The following HACD2 variants were observed in gnomAD, a reference collection of about 807,000 sequenced individuals.
HACD2 encodes the protein very-long-chain (3R)-3-hydroxyacyl-CoA dehydratase 2.
Under a neutral mutation model 31.0 loss-of-function variants are expected in HACD2, and 15 were observed. The ratio of observed to expected loss-of-function variants is 0.48; its 90% CI spans 0.32 to 0.75. The LOEUF (loss-of-function observed/expected upper bound fraction) is 0.75. Ranked by LOEUF, HACD2 falls within the 30% of genes least tolerant of loss-of-function variation. The pLI, the probability that HACD2 is intolerant of heterozygous loss-of-function variation, is 0.03. For missense variants in HACD2, 283 were observed against 313.0 expected, an observed-to-expected ratio of 0.90 and a Z score of 0.72; for synonymous variants, 115 against 122.2, an observed-to-expected ratio of 0.94 and a Z score of 0.39.
At chr3:123,513,021 G>A (rs2056083915) in intron 4 of HACD2, among the ~76,000 whole-genome samples, 1 of 152,228 alleles carries the variant, frequency 6.6e-6, no homozygotes, top group South Asian at 2.1e-4. Flanking sequence ...GCTGGGGCTG[G>A]GGAAGTACAA....
chr3:123,496,515 C>T (rs756646433), intron 6 of HACD2, among the ~76,000 whole-genome samples: 34 of 152,166 alleles, frequency 2.2e-4, no homozygotes, highest in African/African-American at 6.3e-4. Flanking sequence ...GGAGGCAGCA[C>T]GTGGAACAGG....
chr3:123,573,847 A>C (rs1236337202), intron 2 of HACD2, among the ~76,000 whole-genome samples: 2 of 152,064 alleles, frequency 1.3e-5, no homozygotes, highest in African/African-American at 2.4e-5. Context: ...TTATCACTTA[A>C]TTTCACCTTT....
At chr3:123,498,473 CAAA>C (rs2055862350) in intron 6 of HACD2, among the ~76,000 whole-genome samples, 2 of 152,186 alleles carry the variant, frequency 1.3e-5, no homozygotes, top group African/African-American at 4.8e-5. Context: ...GAGTGGTGGG[CAAA>C]TGAGCATTAC....
chr3:123,506,717 G>T (rs1190291079), intron 4 of HACD2, among the ~76,000 whole-genome samples: 1 of 152,104 alleles, frequency 6.6e-6, no homozygotes, highest in Non-Finnish European at 1.5e-5. Flanking sequence ...TTACAAGTGT[G>T]AGCCACTACA....
At chr3:123,552,085 T>G (rs148804786) in intron 3 of HACD2, among the ~76,000 whole-genome samples, 1 of 152,022 alleles carries the variant, frequency 6.6e-6, no homozygotes, top group Non-Finnish European at 1.5e-5. Context: ...AAAAATGGCA[T>G]GGAAGAGAGA....
At chr3:123,570,109 A>G (rs929895069) in intron 2 of HACD2, among the ~76,000 whole-genome samples, 5 of 149,522 alleles carry the variant, frequency 3.3e-5, no homozygotes, top group Non-Finnish European at 5.9e-5. Flanking sequence ...TCTTCTTTGC[A>G]TGACAGAGCA....
At chr3:123,523,991 C>T (rs937935698) in intron 4 of HACD2, among the ~76,000 whole-genome samples, 20 of 152,220 alleles carry the variant, frequency 1.3e-4, no homozygotes, top group African/African-American at 4.6e-4. Flanking sequence ...GGATTTTGGA[C>T]AGAGCACCAG....
At chr3:123,530,516 C>T (rs889941837) in intron 3 of HACD2, among the ~76,000 whole-genome samples, 1 of 151,196 alleles carries the variant, frequency 6.6e-6, no homozygotes, top group African/African-American at 2.4e-5. Flanking sequence ...TCAAGGGGTT[C>T]TCCTGCCTCC....
Position 123,585,048 on chromosome 3 carries a change from T to C in HACD2, c.-21A>G. On this transcript the variant is annotated 5_prime_UTR_variant, in exon 1 of 7. Coordinates refer to ENST00000383657, the MANE Select transcript of HACD2 (RefSeq NM_198402.5). ...GCCATGTCAAGTGCCCGAAGCCCGCTCTCCTAGCGCGAGCGGCTCGGGCCG... is the reference window on the plus strand; with the variant it reads ...GCCATGTCAAGTGCCCGAAGCCCGCCCTCCTAGCGCGAGCGGCTCGGGCCG... 7.1e-7 allele frequency: 1 copy of C among 1,417,758 alleles called. No individual in the cohort carries two copies. The highest frequency in any genetic ancestry group is 9.2e-7 in the Non-Finnish European group (1 of 1,082,698). The allele number at this position is 1,417,758 out of a possible 1,614,324, so 87.8% of individuals were successfully genotyped here.
At chr3:123,569,084 A>G (rs1282269529) in intron 2 of HACD2, among the ~76,000 whole-genome samples, 2 of 152,122 alleles carry the variant, frequency 1.3e-5, no homozygotes, top group Non-Finnish European at 2.9e-5. Context: ...ATTTCACTCA[A>G]TTTGTGGGGG....
At chr3:123,499,126 T>C (rs755950966) in intron 6 of HACD2, among the ~76,000 whole-genome samples, 6 of 152,210 alleles carry the variant, frequency 3.9e-5, no homozygotes, top group African/African-American at 9.7e-5. Context: ...ATATGGTACA[T>C]ATCTCCTATT....
rs946766856 is a variant in HACD2 at position 123,491,760 on chromosome 3, T to C, written c.*3128A>G. ...ATAATTTTAGTGAATCAAAGACTTA[T>C]AAAATTACAATTTTGGTTTTCACAA... On this transcript the variant is annotated 3_prime_UTR_variant, in exon 7 of 7. Transcript: ENST00000383657. 6.6e-6 allele frequency: 1 copy of C among 152,638 alleles called. No individual in the cohort carries two copies. The highest frequency in any genetic ancestry group is 1.5e-5 in the Non-Finnish European group (1 of 68,028). The allele number at this position is 152,638 out of a possible 1,614,324, so 9.5% of individuals were successfully genotyped here.
chr3:123,572,745 A>G (rs2056869004), intron 2 of HACD2, among the ~76,000 whole-genome samples: 1 of 152,236 alleles, frequency 6.6e-6, no homozygotes, highest in African/African-American at 2.4e-5. Context: ...AGGTAAAACA[A>G]TAACAACAAA....
intron 4 of HACD2, among the ~76,000 whole-genome samples, chr3:123,515,334 T>C (rs987311928): frequency 2.0e-5 from 3 of 152,196 alleles, no homozygotes; most frequent in Admixed American, 6.5e-5. Context: ...GGGCAACAAC[T>C]GCATCTGTCC....
chr3:123,533,060 C>T (rs2107711680), intron 3 of HACD2, among the ~76,000 whole-genome samples: 1 of 152,248 alleles, frequency 6.6e-6, no homozygotes, highest in Non-Finnish European at 1.5e-5. Context: ...AACCTTCACG[C>T]TAGATCTGAA....
At chr3:123,566,850 C>T (rs1452317134) in intron 3 of HACD2, among the ~76,000 whole-genome samples, 1 of 152,036 alleles carries the variant, frequency 6.6e-6, no homozygotes, top group Non-Finnish European at 1.5e-5. Context: ...CCTAAAACAA[C>T]AAAAAAAGAA....
At chr3:123,561,524 A>C (rs1382253826) in intron 3 of HACD2, among the ~76,000 whole-genome samples, 1 of 151,458 alleles carries the variant, frequency 6.6e-6, no homozygotes, top group Middle Eastern at 3.4e-3. Context: ...ACAATTTCTG[A>C]CATGAAAGTT....
chr3:123,551,252 G>A (rs1011656608), intron 3 of HACD2, among the ~76,000 whole-genome samples: 1 of 152,160 alleles, frequency 6.6e-6, no homozygotes, highest in African/African-American at 2.4e-5. Context: ...AAGGGCAGGT[G>A]TGGGTCAGAC....
intron 2 of HACD2, among the ~76,000 whole-genome samples, chr3:123,573,057 C>T (rs2056872004): frequency 6.6e-6 from 1 of 152,188 alleles, no homozygotes; most frequent in Admixed American, 6.5e-5. Context: ...CTGAGCTGGG[C>T]AGCTCCACAG....
Sources: gnomAD v4.1 joint callset for allele counts (sites outside exome capture counted in the v4.1 genomes callset) on GRCh38, gnomAD v4.1.1 for gene constraint, MANE v1.5 for transcripts, NCBI Gene and HGNC (gene_info 2026-07-23, HGNC 2026-07-21) for gene names.